Variants in ANO10 observed in about 807,000 individuals in gnomAD.
ANO10 encodes the protein anoctamin-10.
ANO10 carries 77 observed loss-of-function variants against 74.7 expected under a neutral mutation model. That is an observed-to-expected ratio of 1.03 (90% CI 0.86 to 1.25). The LOEUF (loss-of-function observed/expected upper bound fraction) is 1.25, where lower values mean the gene tolerates loss of function less well. Ranked by LOEUF, ANO10 falls within the 50% of genes most tolerant of loss-of-function variation. The pLI is 0.00. For synonymous variants in ANO10, 279 were observed against 284.9 expected (o/e 0.98, Z 0.21); for missense variants, 721 against 778.1 (o/e 0.93, Z 0.87).
At chr3:43,690,330 C>CA (rs1335407548) in intron 1 of ANO10, 1 of 152,436 alleles carries the variant, frequency 6.6e-6, no homozygotes, top group Admixed American at 6.5e-5. Context: ...GCTGGGATTA[C>CA]AGGCCTGAGC....
chr3:43,498,259 C>A (rs1034866565), intron 11 of ANO10, among the ~76,000 whole-genome samples: 23 of 152,282 alleles, frequency 1.5e-4, no homozygotes, highest in Admixed American at 1.3e-3. Flanking sequence ...AGTTTTCCTG[C>A]CCACTTCTTG....
At chr3:43,457,390 G>A (rs2075176441) in intron 11 of ANO10, among the ~76,000 whole-genome samples, 1 of 152,230 alleles carries the variant, frequency 6.6e-6, no homozygotes, top group South Asian at 2.1e-4. Context: ...GAGGCCTCAG[G>A]AAACTTACAA....
At chr3:43,650,941 A>G (rs1227106796) in intron 1 of ANO10, among the ~76,000 whole-genome samples, 1 of 152,192 alleles carries the variant, frequency 6.6e-6, no homozygotes, top group African/African-American at 2.4e-5. Context: ...GCACAATAGC[A>G]TCCTCCTTGA....
intron 11 of ANO10, among the ~76,000 whole-genome samples, chr3:43,509,876 T>C (rs2077444844): frequency 6.6e-6 from 1 of 152,154 alleles, no homozygotes; most frequent in African/African-American, 2.4e-5. Context: ...TAAAAAGGAA[T>C]AAGCTACTGG....
At chr3:43,422,820 A>G (rs1360293494) in intron 12 of ANO10, among the ~76,000 whole-genome samples, 1 of 152,234 alleles carries the variant, frequency 6.6e-6, no homozygotes, top group African/African-American at 2.4e-5. Context: ...ACTTACATAC[A>G]TTGTTTACTG....
chr3:43,638,767 A>G (rs1475728266), intron 1 of ANO10: 1 of 152,212 alleles, frequency 6.6e-6, no homozygotes, highest in Non-Finnish European at 1.5e-5. Context: ...ACTCTCAACA[A>G]TTATTAATAC....
At chr3:43,580,296 C>G (rs527484493) in intron 5 of ANO10, 57 bp downstream of exon 5, 23 of 1,609,990 alleles carry the variant, frequency 1.4e-5, no homozygotes, top group East Asian at 2.2e-5. Flanking sequence ...ACTGCTAGAT[C>G]GTAACTTTTC....
intron 3 of ANO10, among the ~76,000 whole-genome samples, chr3:43,600,092 T>C (rs2082269126): frequency 6.6e-6 from 1 of 152,198 alleles, no homozygotes; most frequent in African/African-American, 2.4e-5. Flanking sequence ...TTTGTGTTCA[T>C]CCAGGGGAGG....
intron 11 of ANO10, among the ~76,000 whole-genome samples, chr3:43,527,181 T>C (rs1175987797): frequency 6.6e-6 from 1 of 152,084 alleles, no homozygotes; most frequent in African/African-American, 2.4e-5. Context: ...CCAATGGCTG[T>C]TTGTATATTT....
intron 12 of ANO10, among the ~76,000 whole-genome samples, chr3:43,418,061 A>C (rs1000449462): frequency 6.6e-5 from 10 of 152,084 alleles, no homozygotes; most frequent in African/African-American, 2.4e-4. Context: ...GGCGGATCAC[A>C]AGGTCAGGAG....
intron 11 of ANO10, among the ~76,000 whole-genome samples, chr3:43,517,290 T>A (rs192594471): frequency 6.4e-4 from 98 of 152,242 alleles, no homozygotes; most frequent in African/African-American, 2.3e-3. Context: ...CCAGTTGTGT[T>A]TAGCTTAATT....
chr3:43,559,467 T>C (rs189099074), intron 9 of ANO10, among the ~76,000 whole-genome samples: 117 of 152,296 alleles, frequency 7.7e-4, no homozygotes, highest in African/African-American at 2.5e-3. Flanking sequence ...TGGAGAATTA[T>C]TGCAGAAAAC....
At chr3:43,453,628 T>C (rs1041964191) in intron 11 of ANO10, among the ~76,000 whole-genome samples, 2 of 152,238 alleles carry the variant, frequency 1.3e-5, no homozygotes, top group African/African-American at 4.8e-5. Flanking sequence ...TTTTGAGTTA[T>C]TTTTTGCATA....
Position 43,564,007 on chromosome 3 carries a change from C to T in ANO10, c.1293+1646G>A, listed in dbSNP as rs116175171. Among the ~76,000 whole-genome samples the T allele has an allele frequency of 4.7e-3, 717 of 152,150 alleles. 5 individuals carry two copies. Among genetic ancestry groups the T allele is most frequent in the African/African-American group, 0.017 (688 of 41,502 alleles). On this transcript the variant is annotated intron_variant, in intron 8 of 12. Coordinates refer to ENST00000292246, the MANE Select transcript of ANO10 (RefSeq NM_018075.5). ...TCCCAACATATAGAAATGATAAATA[C>T]TCGAGATGATAGATACTCTAAATAC...
chr3:43,503,496 C>G (rs1221973070), intron 11 of ANO10, among the ~76,000 whole-genome samples: 2 of 152,170 alleles, frequency 1.3e-5, no homozygotes, highest in Non-Finnish European at 2.9e-5. Flanking sequence ...GCAAGTTTAT[C>G]TACTCCCTTC....
chr3:43,549,055 C>G (rs574838933), intron 11 of ANO10, among the ~76,000 whole-genome samples: 2 of 151,916 alleles, frequency 1.3e-5, no homozygotes, highest in South Asian at 4.2e-4. Flanking sequence ...TGTCTTTTCT[C>G]TAAAATAGAC....
intron 11 of ANO10, among the ~76,000 whole-genome samples, chr3:43,534,317 G>T (rs1363205043): frequency 6.6e-6 from 1 of 152,166 alleles, no homozygotes; most frequent in Non-Finnish European, 1.5e-5. Flanking sequence ...CTAAAAATTT[G>T]ATTAAATGTT....
At chr3:43,552,986 G>A (rs1038516194) in intron 10 of ANO10, among the ~76,000 whole-genome samples, 3 of 151,876 alleles carry the variant, frequency 2.0e-5, no homozygotes, top group Non-Finnish European at 2.9e-5. Context: ...TAGAGATGGG[G>A]TTTCACCATG....
intron 11 of ANO10, among the ~76,000 whole-genome samples, chr3:43,468,521 C>T (rs867106001): frequency 1.3e-5 from 2 of 152,198 alleles, no homozygotes; most frequent in Middle Eastern, 3.4e-3. Context: ...AGTGAATTTT[C>T]GGGATTTCTG....
Sources: gnomAD v4.1 joint callset for allele counts (sites outside exome capture counted in the v4.1 genomes callset) on GRCh38, gnomAD v4.1.1 for gene constraint, MANE v1.5 for transcripts, NCBI Gene and HGNC (gene_info 2026-07-23, HGNC 2026-07-21) for gene names.